FLOT1: variants seen among roughly 807,000 people sequenced by gnomAD.
FLOT1 encodes the protein flotillin 1, also known as flotillin-1.
In FLOT1, 40 loss-of-function variants were observed where a neutral mutation model predicts 58.4. The observed-to-expected ratio is 0.69, with a 90% CI of 0.53 to 0.89. FLOT1 has a LOEUF of 0.89. Among genes scored for constraint, FLOT1 ranks in the 40% least tolerant of loss-of-function variants. The probability of loss-of-function intolerance (pLI) is 0.00; values close to 1 mark genes in which losing one functional copy is unlikely to be tolerated. For missense variants in FLOT1, 423 were observed against 540.8 expected, an observed-to-expected ratio of 0.78 and a Z score of 2.16; for synonymous variants, 178 against 204.2, an observed-to-expected ratio of 0.87 and a Z score of 1.09.
At chr6:30,728,406 C>T (rs1041605342) in intron 12 of FLOT1, among the ~76,000 whole-genome samples, 2 of 152,052 alleles carry the variant, frequency 1.3e-5, no homozygotes, top group African/African-American at 4.8e-5. Flanking sequence ...CTCCAGGAGG[C>T]TCCAAGGAAC....
chr6:30,733,460 G>A (rs1777339775), intron 8 of FLOT1, among the ~76,000 whole-genome samples: 1 of 152,114 alleles, frequency 6.6e-6, no homozygotes, highest in Admixed American at 6.5e-5. Context: ...CTGGGCTTGG[G>A]CCAGTCATGG....
chr6:30,741,921 G>A lies in FLOT1; in HGVS notation c.44-54C>T. On this transcript the variant is annotated intron_variant, in intron 2 of 12. Transcript: ENST00000376389. This position sits in a 1 kb window ranked among gnomAD's most constrained non-coding sequence, Gnocchi z 5.9. ...TGGCAGAGCTTGAATGTGGAAGACT[G>A]AGGAACTGGCGGGGGTGAGGGGACA... 6.5e-7 allele frequency: 1 copy of A among 1,540,694 alleles called. No homozygotes were observed. Among genetic ancestry groups the A allele is most frequent in the Non-Finnish European group, 9.0e-7 (1 of 1,117,036 alleles).
At position 30,728,009 on chromosome 6, in the gene FLOT1, C is replaced by A; in HGVS notation, c.*107G>T. ...TGGCAAGGAGAGATGAGGGGTGGGA[C>A]CTCACTGTCAATGGACATGCTCAGG... is the stretch of plus-strand genomic sequence containing the variant. On this transcript the variant is annotated 3_prime_UTR_variant, in exon 13 of 13. Transcript: ENST00000376389. The A allele has an allele frequency of 9.6e-7, 1 of 1,037,038 alleles. No individual in the cohort carries two copies. The highest frequency in any genetic ancestry group is 1.5e-6 in the Non-Finnish European group (1 of 658,878). 64.2% of individuals were successfully genotyped at this position (1,037,038 alleles called of 1,614,324 possible).
At position 30,740,808 on chromosome 6, in the gene FLOT1, C is replaced by A; in HGVS notation, c.355-10G>T. ...TGTCCTTATAGATCTCCTGTGATAA[C>A]AGGATGGTGGGGAGAAGGGATGTAA... On this transcript the variant is annotated splice_polypyrimidine_tract_variant and intron_variant, in intron 5 of 12. Coordinates refer to ENST00000376389, the MANE Select transcript of FLOT1 (RefSeq NM_005803.4). The A allele has an allele frequency of 6.7e-7, 1 of 1,485,282 alleles. No individual in the cohort carries two copies. Among genetic ancestry groups the A allele is most frequent in the Non-Finnish European group, 9.3e-7 (1 of 1,069,610 alleles). 92.0% of individuals were successfully genotyped at this position (1,485,282 alleles called of 1,614,324 possible).
chr6:30,740,519 C>T lies in FLOT1; in HGVS notation c.547G>A (p.Ala183Thr). 1 of 1,612,906 alleles carries T rather than the reference C, an allele frequency of 6.2e-7. No individual in the cohort carries two copies. The highest frequency in any genetic ancestry group is 8.5e-7 in the Non-Finnish European group (1 of 1,180,036). ...ACCCGGATCCCAGCATCTCTCTTGG[C>T]CTCTGCTTCTCCAATCCGTGCATCT... is the stretch of plus-strand genomic sequence containing the variant. ...QKDARIGEAEAKRDAGIREAK... is the reference protein window; with the variant it reads ...QKDARIGEAETKRDAGIREAK... Residue 183 changes from alanine (A) to threonine (T), a missense_variant, in exon 7 of 13, where the codon GCC (alanine) becomes ACC (threonine). By Grantham distance (58) the Ala-to-Thr change is moderately conservative. Coordinates refer to ENST00000376389, the MANE Select transcript of FLOT1 (RefSeq NM_005803.4).
At chr6:30,739,580 G>C (rs1341672031) in intron 8 of FLOT1, among the ~76,000 whole-genome samples, 15 of 152,114 alleles carry the variant, frequency 9.9e-5, no homozygotes, top group Admixed American at 9.8e-4. Flanking sequence ...ATGTTGGCCA[G>C]GCTAGTCTCG....
At position 30,741,542 on chromosome 6, in the gene FLOT1, A is replaced by G. The variant is rs528232437; in HGVS notation, c.210+72T>C. On this transcript the variant is annotated intron_variant, in intron 4 of 12. Coordinates refer to ENST00000376389, the MANE Select transcript of FLOT1 (RefSeq NM_005803.4). This position sits in a 1 kb window ranked among gnomAD's most constrained non-coding sequence, Gnocchi z 5.9. The stretch of plus-strand genomic sequence containing the variant: ...CAAGGGTTGAGAAGACTGTGGCCAG[A>G]AGATGTCTTAATGTCTGGGAGAGAG... The G allele has an allele frequency of 2.2e-6, 3 of 1,342,280 alleles. No individual in the cohort carries two copies. Among genetic ancestry groups the G allele is most frequent in the East Asian group, 2.3e-5 (1 of 43,674 alleles). The allele number at this position is 1,342,280 out of a possible 1,614,324, so 83.1% of individuals were successfully genotyped here. A position where few individuals can be genotyped will look rare whatever the true frequency, so the allele number is the denominator to read the frequency against.
intron 8 of FLOT1, among the ~76,000 whole-genome samples, chr6:30,734,719 T>C (rs995558396): frequency 1.8e-4 from 27 of 151,990 alleles, no homozygotes; most frequent in African/African-American, 6.3e-4. Flanking sequence ...TGTCCCTGGC[T>C]TTCTTGGTTG....
In FLOT1 at chr6:30,737,215, TC is replaced by T. The variant is rs1369613779; in HGVS notation, c.723+2942del. Reference sequence around the variant, plus strand: ...TGACTGACTGACTGTCTGTCGTCCGTCCGTCCGTCCGTCCGTCCGTCCGTCC... The same window carrying T: ...TGACTGACTGACTGTCTGTCGTCCGTCGTCCGTCCGTCCGTCCGTCCGTCC... On this transcript the variant is annotated intron_variant, in intron 8 of 12. Transcript: ENST00000376389. The surrounding 1 kb of genome is among the most constrained non-coding windows in gnomAD (Gnocchi z 4.4). Among the ~76,000 whole-genome samples the T allele has an allele frequency of 1.4e-4, 11 of 76,028 alleles. No homozygotes were observed. The highest frequency in any genetic ancestry group is 6.8e-4 in the East Asian group (2 of 2,954). 49.9% of individuals were successfully genotyped at this position (76,028 alleles called of 152,430 possible). A position where few individuals can be genotyped will look rare whatever the true frequency, so the allele number is the denominator to read the frequency against.
At chr6:30,736,493 CA>C (rs9281024) in intron 8 of FLOT1, 214 of 119,474 alleles carry the variant, frequency 1.8e-3, no homozygotes, top group African/African-American at 1.6e-3. Context: ...GACTCCATCT[CA>C]AAAAAAAAAA....
Position 30,740,225 on chromosome 6 carries a change from T to C in FLOT1, c.656A>G (p.Lys219Arg). ...MAKAQRDYELKKAAYDIEVNT... is the reference protein window; with the variant it reads ...MAKAQRDYELRKAAYDIEVNT... ...GACCTCGATGTCATAGGCGGCCTTCTTCAGTTCGTAATCTCTCTGTGCCTT... is the reference window on the plus strand; with the variant it reads ...GACCTCGATGTCATAGGCGGCCTTCCTCAGTTCGTAATCTCTCTGTGCCTT... The change falls in exon 8 of 13, where the codon AAG (lysine) becomes AGG (arginine). Residue 219 changes from lysine to arginine, a missense_variant. Coordinates refer to ENST00000376389, the MANE Select transcript of FLOT1 (RefSeq NM_005803.4). The C allele has an allele frequency of 6.2e-7, 1 of 1,613,026 alleles. No homozygotes were observed. Among genetic ancestry groups the C allele is most frequent in the Non-Finnish European group, 8.5e-7 (1 of 1,180,006 alleles).
chr6:30,738,777 C>T (rs1777759020), intron 8 of FLOT1, among the ~76,000 whole-genome samples: 2 of 152,174 alleles, frequency 1.3e-5, no homozygotes, highest in African/African-American at 4.8e-5. Context: ...CACTACAGCA[C>T]TGATGCTTGG....
At position 30,737,246 on chromosome 6, in the gene FLOT1, G is replaced by GTCCGTCCA. The variant is rs1554208614; in HGVS notation, c.723+2911_723+2912insTGGACGGA. 1.8e-4 allele frequency among the ~76,000 whole-genome samples: 26 copies of GTCCGTCCA among 145,396 alleles called. No individual in the cohort carries two copies. The highest frequency in any genetic ancestry group is 6.4e-4 in the African/African-American group (25 of 38,994). ...CGTCCGTCCGTCCGTCCGTCCGTCC[G>GTCCGTCCA]TCCATCCGTCCATCCATCCATCCAT... is the stretch of plus-strand genomic sequence containing the variant. On this transcript the variant is annotated intron_variant, in intron 8 of 12. Transcript: ENST00000376389. The surrounding 1 kb of genome is among the most constrained non-coding windows in gnomAD (Gnocchi z 4.4).
rs1562194945 is a variant in FLOT1, at chr6:30,740,717, C to T, written c.436G>A (p.Val146Met). 6.2e-7 allele frequency: 1 copy of T among 1,612,990 alleles called. No homozygotes were observed. The highest frequency in any genetic ancestry group is 8.5e-7 in the Non-Finnish European group (1 of 1,180,034). ...SSDLVNMGIS[V>M]VSYTLKDIHD... ...ATGTCCTTCAGAGTGTAGCTAACCA[C>T]ACTGATGCCCATGTTGACCAGGTCT... The change falls in exon 6 of 13, where the codon GTG (valine) becomes ATG (methionine). Residue 146 changes from valine to methionine, a missense_variant. Around this residue, in one of 6 missense-constraint regions of FLOT1, gnomAD observed 137 missense variants for 194.6 expected, o/e 0.70. Transcript: ENST00000376389.
intron 5 of FLOT1, 138 bp from the exon 6 acceptor site, chr6:30,740,936 A>G: frequency 1.6e-6 from 2 of 1,282,734 alleles, no homozygotes; most frequent in Non-Finnish European, 2.1e-6. Context: ...ACCGACACCC[A>G]TCACCATACC....
chr6:30,741,460 G>GCT lies in FLOT1; in HGVS notation c.211-128_211-127insAG. ...TTTCAGGGAAAGAAAGGAGGAGGAG[G>GCT]CAAGTGCCTTGGGGTGCCTGGAAAA... On this transcript the variant is annotated intron_variant, in intron 4 of 12. Coordinates refer to ENST00000376389, the MANE Select transcript of FLOT1 (RefSeq NM_005803.4). This position sits in a 1 kb window ranked among gnomAD's most constrained non-coding sequence, Gnocchi z 5.9. The GCT allele has an allele frequency of 7.3e-7, 1 of 1,375,762 alleles. No individual in the cohort carries two copies. The highest frequency in any genetic ancestry group is 1.8e-5 in the Admixed American group (1 of 56,122). The allele number at this position is 1,375,762 out of a possible 1,614,324, so 85.2% of individuals were successfully genotyped here.
intron 10 of FLOT1, 58 bp from the exon 11 acceptor site, chr6:30,730,623 G>T (rs1226436793): frequency 5.6e-6 from 9 of 1,613,646 alleles, no homozygotes; most frequent in Middle Eastern, 1.6e-4. Flanking sequence ...AGAAATCCCC[G>T]ATCAAGCAGC....
Position 30,741,301 on chromosome 6 carries a change from C to T in FLOT1, c.243G>A (p.Leu81=). Reference sequence around the variant, plus strand: ...CCAGGAACATCTGACAGGCGGCCGCCAACATCTCCTTGTTCTGCCCCTGGA... The same window carrying T: ...CCAGGAACATCTGACAGGCGGCCGCTAACATCTCCTTGTTCTGCCCCTGGA... The part of the protein sequence containing the change: ...VKIQGQNKEM[L]AAACQMFLGK... Residue 81 remains leucine (L), a synonymous_variant, in exon 5 of 13, where the codon TTG becomes TTA. Transcript: ENST00000376389. This position sits in a 1 kb window ranked among gnomAD's most constrained non-coding sequence, Gnocchi z 5.9. 2 of 1,613,090 alleles carry T rather than the reference C, an allele frequency of 1.2e-6. No homozygotes were observed. Among genetic ancestry groups the T allele is most frequent in the Non-Finnish European group, 1.7e-6 (2 of 1,180,040 alleles).
intron 8 of FLOT1, among the ~76,000 whole-genome samples, chr6:30,732,412 C>T (rs961697224): frequency 2.0e-5 from 3 of 151,880 alleles, no homozygotes; most frequent in African/African-American, 7.3e-5. Context: ...GGTTCAATGG[C>T]GTAATCATGG....
Sources: allele counts gnomAD v4.1 joint callset (sites outside exome capture counted in the v4.1 genomes callset), GRCh38; gene constraint gnomAD v4.1.1; regional missense constraint gnomAD v4.1.1; non-coding constraint Gnocchi (gnomAD v3.1); transcripts MANE v1.5; gene names NCBI Gene and HGNC (gene_info 2026-07-23, HGNC 2026-07-21).